The following RIMS2 variants were observed in gnomAD, a reference collection of about 807,000 sequenced individuals.
The protein encoded by RIMS2 is regulating synaptic membrane exocytosis 2.
A neutral mutation model predicts 174.4 loss-of-function variants in RIMS2; 59 were observed. The observed-to-expected ratio is 0.34, with a 90% CI of 0.27 to 0.42. The LOEUF (loss-of-function observed/expected upper bound fraction) is 0.42, where lower values mean the gene tolerates loss of function less well. RIMS2 is among the 10% of genes least tolerant of loss of function. The pLI is 1.00. For missense variants in RIMS2, 1,620 were observed against 1,666.3 expected, an observed-to-expected ratio of 0.97 and a Z score of 0.48; for synonymous variants, 606 against 572.5, an observed-to-expected ratio of 1.06 and a Z score of -0.84.
intron 12 of RIMS2, among the ~76,000 whole-genome samples, chr8:103,936,266 C>G (rs1416337398): frequency 6.6e-6 from 1 of 151,910 alleles, no homozygotes; most frequent in East Asian, 1.9e-4. Flanking sequence ...ATTCTCAAGT[C>G]TGGTTTTATT....
At chr8:103,899,609 C>G (rs1470825120) in intron 4 of RIMS2, among the ~76,000 whole-genome samples, 1 of 151,332 alleles carries the variant, frequency 6.6e-6, no homozygotes, top group Non-Finnish European at 1.5e-5. Flanking sequence ...TTTGTAGATT[C>G]TGGATATTAG....
At chr8:103,904,174 T>G (rs1038177465) in intron 4 of RIMS2, among the ~76,000 whole-genome samples, 3 of 152,150 alleles carry the variant, frequency 2.0e-5, no homozygotes, top group African/African-American at 4.8e-5. Context: ...ATTTAGAGAA[T>G]GATATATGAA....
intron 2 of RIMS2, among the ~76,000 whole-genome samples, chr8:103,757,010 T>TGTGAGA (rs1458679084): frequency 4.4e-5 from 5 of 114,294 alleles, no homozygotes; most frequent in Non-Finnish European, 9.2e-5. Flanking sequence ...TGTGTGTGTG[T>TGTGAGA]GAGAGAGAGA....
chr8:104,135,723 G>A (rs1245350089), intron 19 of RIMS2, among the ~76,000 whole-genome samples: 2 of 151,932 alleles, frequency 1.3e-5, no homozygotes, highest in South Asian at 2.1e-4. Context: ...CTTATGAGGA[G>A]GGATACTCAA....
chr8:103,501,922 C>G (rs1343911772), intron 1 of RIMS2, among the ~76,000 whole-genome samples: 2 of 152,290 alleles, frequency 1.3e-5, no homozygotes, highest in East Asian at 3.9e-4. Context: ...GGGAACTGTC[C>G]AGACAGGGTT....
intron 3 of RIMS2, among the ~76,000 whole-genome samples, chr8:103,799,803 T>C (rs1006603289): frequency 6.6e-5 from 10 of 152,198 alleles, no homozygotes; most frequent in African/African-American, 2.2e-4. Context: ...CACATCATTT[T>C]TGTCTGTTGT....
intron 1 of RIMS2, among the ~76,000 whole-genome samples, chr8:103,580,858 C>G (rs999556427): frequency 1.4e-4 from 17 of 122,562 alleles, no homozygotes; most frequent in Admixed American, 1.3e-3. Flanking sequence ...GAGACAGAGT[C>G]TCGCTCTGTC....
intron 1 of RIMS2, among the ~76,000 whole-genome samples, chr8:103,696,885 A>AAAAAAAAAAAAAAAAAAAAAC (rs1554753422): frequency 7.3e-6 from 1 of 136,836 alleles, no homozygotes; most frequent in African/African-American, 2.8e-5. Context: ...AAAAAAAAAA[A>AAAAAAAAAAAAAAAAAAAAAC]GAAGGTAGAA....
At chr8:103,746,324 C>T (rs2097814182) in intron 2 of RIMS2, among the ~76,000 whole-genome samples, 1 of 151,972 alleles carries the variant, frequency 6.6e-6, no homozygotes, top group African/African-American at 2.4e-5. Context: ...ATGCCAATAT[C>T]TCAGTCATTA....
chr8:103,803,231 T>G (rs903632666), intron 3 of RIMS2, among the ~76,000 whole-genome samples: 1 of 152,152 alleles, frequency 6.6e-6, no homozygotes, highest in South Asian at 2.1e-4. Flanking sequence ...ATGGAATAAC[T>G]GAATAACTTG....
At chr8:103,873,961 G>A (rs1019380638) in intron 3 of RIMS2, among the ~76,000 whole-genome samples, 2 of 152,020 alleles carry the variant, frequency 1.3e-5, no homozygotes, top group Non-Finnish European at 2.9e-5. Flanking sequence ...AATGAGGCTG[G>A]CATTAAAATT....
intron 15 of RIMS2, among the ~76,000 whole-genome samples, chr8:103,969,747 T>G (rs2092630010): frequency 6.6e-6 from 1 of 152,144 alleles, no homozygotes; most frequent in Non-Finnish European, 1.5e-5. Context: ...GGTATGTAAT[T>G]TTTTTCTTTC....
chr8:104,212,967 T>C (rs1043512012), intron 19 of RIMS2, among the ~76,000 whole-genome samples: 1 of 152,178 alleles, frequency 6.6e-6, no homozygotes, highest in Non-Finnish European at 1.5e-5. Context: ...ACTCAATTTT[T>C]TCTTTACCTG....
chr8:103,697,274 G>A (rs767305141), exon 2 of RIMS2: 8 of 1,613,058 alleles, frequency 5.0e-6, no homozygotes, highest in South Asian at 1.1e-5. Flanking sequence ...TGTGGAGGTC[G>A]AGTGTCATTA....
intron 19 of RIMS2, among the ~76,000 whole-genome samples, chr8:104,025,322 A>C (rs182281039): frequency 6.6e-6 from 1 of 152,162 alleles, no homozygotes; most frequent in Non-Finnish European, 1.5e-5. Context: ...TCTACCAAAA[A>C]CAAAAAAATT....
At chr8:104,148,563 C>CT (rs1220677244) in intron 19 of RIMS2, 44 bp from the exon 25 acceptor site, 1 of 1,538,580 alleles carries the variant, frequency 6.5e-7, no homozygotes, top group Admixed American at 2.0e-5. Context: ...CTGTCTTTTC[C>CT]TTTTTACTCT....
At chr8:104,162,452 A>G (rs929968962) in intron 19 of RIMS2, among the ~76,000 whole-genome samples, 1 of 152,212 alleles carries the variant, frequency 6.6e-6, no homozygotes, top group East Asian at 1.9e-4. Context: ...ACAACTTGAG[A>G]TGTAAATATT....
chr8:104,139,703 G>T (rs1023386491), intron 19 of RIMS2, among the ~76,000 whole-genome samples: 1 of 152,072 alleles, frequency 6.6e-6, no homozygotes, highest in Non-Finnish European at 1.5e-5. Context: ...CCTATCATCT[G>T]CAAACAAAGA....
intron 3 of RIMS2, among the ~76,000 whole-genome samples, chr8:103,791,975 C>G (rs199868212): frequency 2.0e-5 from 3 of 152,008 alleles, no homozygotes; most frequent in African/African-American, 4.8e-5. Context: ...AATAATGGGA[C>G]ACTTTAACAC....
Sources: gnomAD v4.1 joint callset for allele counts (sites outside exome capture counted in the v4.1 genomes callset) on GRCh38, gnomAD v4.1.1 for gene constraint, MANE v1.5 for transcripts, NCBI Gene and HGNC (gene_info 2026-07-23, HGNC 2026-07-21) for gene names.